Variants in SORCS2 observed in about 807,000 individuals in gnomAD.
The protein encoded by SORCS2 is VPS10 domain-containing receptor SorCS2.
SORCS2 carries 100 observed loss-of-function variants against 141.6 expected under a neutral mutation model. The ratio of observed to expected loss-of-function variants is 0.71; its 90% CI spans 0.60 to 0.83. The LOEUF (loss-of-function observed/expected upper bound fraction) is 0.83, where lower values mean the gene tolerates loss of function less well. SORCS2 is among the 40% of genes least tolerant of loss of function. SORCS2 has a pLI of 0.00. For missense variants in SORCS2, 1,646 were observed against 1,560.2 expected (o/e 1.05, Z -0.93); for synonymous variants, 789 against 676.9 (o/e 1.17, Z -2.57).
At position 7,258,077 on chromosome 4, in the gene SORCS2, C is replaced by T. The variant is rs570146180; in HGVS notation, c.480+64951C>T. Reference sequence around the variant, plus strand: ...GGTGGCTTCCAGCAGGGGCGGAGTGCTTCCGCTGTGTCCCCTGCTGACTCC... The same window carrying T: ...GGTGGCTTCCAGCAGGGGCGGAGTGTTTCCGCTGTGTCCCCTGCTGACTCC... On this transcript the variant is annotated intron_variant, in intron 1 of 26. Coordinates refer to ENST00000507866, the MANE Select transcript of SORCS2 (RefSeq NM_020777.3). Among the ~76,000 whole-genome samples, 20 of 152,350 alleles carry T rather than the reference C, an allele frequency of 1.3e-4. No homozygotes were observed. The East Asian group carries it at 3.7e-3, about 28-fold the overall frequency.
At chr4:7,215,591 C>T (rs1051751166) in intron 1 of SORCS2, among the ~76,000 whole-genome samples, 1 of 152,266 alleles carries the variant, frequency 6.6e-6, no homozygotes, top group Non-Finnish European at 1.5e-5. Flanking sequence ...CAGCTGGGCT[C>T]CTGAGTCTGG....
intron 1 of SORCS2, among the ~76,000 whole-genome samples, chr4:7,265,278 G>T (rs1009226595): frequency 1.2e-4 from 19 of 152,142 alleles, no homozygotes; most frequent in African/African-American, 4.6e-4. Flanking sequence ...GGATCACGAG[G>T]TCAAGAGATT....
intron 4 of SORCS2, among the ~76,000 whole-genome samples, chr4:7,645,574 T>C (rs1721020093): frequency 6.6e-6 from 1 of 152,142 alleles, no homozygotes; most frequent in South Asian, 2.1e-4. Flanking sequence ...AGGCCACAGC[T>C]GCTGCCAGGC....
At chr4:7,535,889 G>A (rs559539787) in intron 3 of SORCS2, among the ~76,000 whole-genome samples, 6 of 152,254 alleles carry the variant, frequency 3.9e-5, no homozygotes, top group Non-Finnish European at 7.3e-5. Context: ...CTGCTTGCTC[G>A]TGGCATGTCC....
chr4:7,362,761 C>T (rs897207741), intron 1 of SORCS2, among the ~76,000 whole-genome samples: 3 of 151,856 alleles, frequency 2.0e-5, no homozygotes, highest in East Asian at 1.9e-4. Flanking sequence ...ATCACCACCT[C>T]CACCGTCATT....
chr4:7,209,246 C>T (rs116790668), intron 1 of SORCS2, among the ~76,000 whole-genome samples: 1,654 of 152,302 alleles, frequency 0.011, 29 homozygotes, highest in African/African-American at 0.038. Context: ...CTTCAGCGCC[C>T]GAGAGCACGC....
intron 2 of SORCS2, among the ~76,000 whole-genome samples, chr4:7,482,633 A>G (rs1190687542): frequency 1.0e-3 from 65 of 62,308 alleles, no homozygotes; most frequent in East Asian, 3.8e-3. Context: ...GACACCCCTG[A>G]CGCTGTTTAG....
intron 11 of SORCS2, among the ~76,000 whole-genome samples, chr4:7,696,379 A>T (rs1437546396): frequency 2.0e-5 from 3 of 152,156 alleles, no homozygotes; most frequent in Admixed American, 6.5e-5. Context: ...CTATTTCAGG[A>T]TGCTGGTTAG....
At chr4:7,606,732 T>C (rs897150917) in intron 3 of SORCS2, among the ~76,000 whole-genome samples, 2 of 152,018 alleles carry the variant, frequency 1.3e-5, no homozygotes, top group Non-Finnish European at 2.9e-5. Context: ...TCTGTGTGAC[T>C]GTATTGGGAG....
chr4:7,262,491 A>G (rs112021022), intron 1 of SORCS2, among the ~76,000 whole-genome samples: 112 of 152,214 alleles, frequency 7.4e-4, no homozygotes, highest in African/African-American at 2.5e-3. Flanking sequence ...CAAGACAGAC[A>G]TAGGCCCCTG....
intron 2 of SORCS2, among the ~76,000 whole-genome samples, chr4:7,481,699 G>T (rs1315433528): frequency 2.6e-5 from 4 of 152,140 alleles, no homozygotes; most frequent in Non-Finnish European, 5.9e-5. Context: ...AGCCTCGGTG[G>T]TGGGGAGGGC....
chr4:7,235,410 C>G (rs1214258610), intron 1 of SORCS2, among the ~76,000 whole-genome samples: 1 of 152,214 alleles, frequency 6.6e-6, no homozygotes, highest in Non-Finnish European at 1.5e-5. Flanking sequence ...AATGGAGGCT[C>G]AGAGAGGCAT....
At chr4:7,434,678 G>C (rs1727166328) in intron 2 of SORCS2, 2 of 1,612,604 alleles carry the variant, frequency 1.2e-6, no homozygotes, top group East Asian at 2.2e-5. Flanking sequence ...GCTATGTCCT[G>C]GCATACGTCG....
chr4:7,604,926 A>G (rs1000396464), intron 3 of SORCS2, among the ~76,000 whole-genome samples: 1 of 152,132 alleles, frequency 6.6e-6, no homozygotes, highest in African/African-American at 2.4e-5. Context: ...CCTGACCCCT[A>G]CACCCCATGC....
At chr4:7,465,850 G>C (rs1388734561) in intron 2 of SORCS2, among the ~76,000 whole-genome samples, 1 of 152,170 alleles carries the variant, frequency 6.6e-6, no homozygotes, top group Non-Finnish European at 1.5e-5. Context: ...GTGTTTACAG[G>C]AGTAAACCAT....
At chr4:7,715,615 A>G (rs1481040689) in intron 17 of SORCS2, among the ~76,000 whole-genome samples, 1 of 152,216 alleles carries the variant, frequency 6.6e-6, no homozygotes, top group Non-Finnish European at 1.5e-5. Flanking sequence ...TTGGCTCTGG[A>G]CAGAGAACAA....
intron 1 of SORCS2, among the ~76,000 whole-genome samples, chr4:7,239,710 CA>C (rs1192621051): frequency 2.0e-5 from 3 of 152,322 alleles, no homozygotes; most frequent in Admixed American, 1.3e-4. Context: ...TCTTGTAAAG[CA>C]AAAAGCAGGG....
chr4:7,661,319 CAG>C (rs1159047782), intron 5 of SORCS2, among the ~76,000 whole-genome samples, 179 bp from the exon 6 acceptor site: 1 of 134,564 alleles, frequency 7.4e-6, no homozygotes, highest in Non-Finnish European at 1.6e-5. Context: ...AAGGAAAACG[CAG>C]AGACTCCAAG....
intron 1 of SORCS2, among the ~76,000 whole-genome samples, chr4:7,307,878 G>C (rs1717937124): frequency 6.6e-6 from 1 of 151,740 alleles, no homozygotes; most frequent in African/African-American, 2.4e-5. Flanking sequence ...GTGAGTGTAT[G>C]TGCATGGGTT....
Sources: gnomAD v4.1 joint callset for allele counts (sites outside exome capture counted in the v4.1 genomes callset) on GRCh38, gnomAD v4.1.1 for gene constraint, MANE v1.5 for transcripts, NCBI Gene and HGNC (gene_info 2026-07-23, HGNC 2026-07-21) for gene names.